HRC: variants seen among roughly 807,000 people sequenced by gnomAD.
HRC encodes the protein histidine rich calcium binding protein, also known as sarcoplasmic reticulum histidine-rich calcium-binding protein.
Under a neutral mutation model 61.4 loss-of-function variants are expected in HRC, and 41 were observed. The observed-to-expected ratio is 0.67, with a 90% CI of 0.52 to 0.87. The LOEUF (loss-of-function observed/expected upper bound fraction) is 0.87. Ranked by LOEUF, HRC falls within the 40% of genes least tolerant of loss-of-function variation. The probability of loss-of-function intolerance (pLI) is 0.00; values close to 1 mark genes in which losing one functional copy is unlikely to be tolerated. For missense variants in HRC, 839 were observed against 885.8 expected (o/e 0.95, Z 0.67); for synonymous variants, 308 against 326.6 (o/e 0.94, Z 0.62).
chr19:49,154,079 A>C lies in HRC; in HGVS notation c.1159T>G (p.Phe387Val). The change falls in exon 1 of 6, where the codon TTC becomes GTC. Residue 387 changes from phenylalanine (F) to valine (V), a missense_variant. By Grantham distance (50) the Phe-to-Val change is conservative (BLOSUM62 -1). Coordinates refer to ENST00000252825, the MANE Select transcript of HRC (RefSeq NM_002152.3). ...TGGTGGCTTGCAACATAGTGGCCGA[A>C]CTGGACTGTGATCTCCTCTTCTTCC... is the stretch of plus-strand genomic sequence containing the variant. ...EEEEEEITVQ[F>V]GHYVASHQPR... is the part of the protein sequence containing the mutation. 1 of 1,614,112 alleles carries C rather than the reference A, an allele frequency of 6.2e-7. No individual in the cohort carries two copies. The highest frequency in any genetic ancestry group is 8.5e-7 in the Non-Finnish European group (1 of 1,180,018).
rs57199624 is a variant in HRC at position 49,154,632 on chromosome 19, T to TTCCTCCTCCTCCTCC, written c.591_605dup (p.Glu200_Glu204dup). On this transcript the variant is annotated inframe_insertion, in exon 1 of 6. Transcript: ENST00000252825. ...GTCCATACTCAGTGGAGGCCTCCTC[T>TTCCTCCTCCTCCTCC]TCCTCCTCCTCCTCCTCCTCCTCCT... 2.5e-6 allele frequency: 4 copies of TTCCTCCTCCTCCTCC among 1,579,330 alleles called. No individual in the cohort carries two copies. Among genetic ancestry groups the TTCCTCCTCCTCCTCC allele is most frequent in the South Asian group, 2.3e-5 (2 of 88,034 alleles).
At position 49,151,526 on chromosome 19, in the gene HRC, G is replaced by C; in HGVS notation, c.2054C>G (p.Ser685Cys). 6.2e-7 allele frequency: 1 copy of C among 1,614,008 alleles called. No homozygotes were observed. Among genetic ancestry groups the C allele is most frequent in the Non-Finnish European group, 8.5e-7 (1 of 1,180,030 alleles). Residue 685 changes from serine (S) to cysteine (C), a missense_variant, in exon 5 of 6, where the codon TCC becomes TGC. Coordinates refer to ENST00000252825, the MANE Select transcript of HRC (RefSeq NM_002152.3). ...PGSYVDYFSS[S>C]LYQALADMLE... is the part of the protein sequence containing the mutation. The stretch of plus-strand genomic sequence containing the variant: ...CCTTTTACACACTTACTGATAAAGG[G>C]ACGAGGAGAAATAGTCAACGTAGCT...
chr19:49,152,184 TG>T, intron 3 of HRC, 125 bp downstream of exon 3: 1 of 1,264,022 alleles, frequency 7.9e-7, no homozygotes, highest in Non-Finnish European at 1.2e-6. Context: ...GGATCGCTTG[TG>T]GAGTCAAGGT....
Position 49,151,565 on chromosome 19 carries a change from C to T in HRC, c.2027-12G>A. On this transcript the variant is annotated splice_polypyrimidine_tract_variant and intron_variant, in intron 4 of 5. Coordinates refer to ENST00000252825, the MANE Select transcript of HRC (RefSeq NM_002152.3). ...GTCAACGTAGCTTCCTGTGGGACAG[C>T]AGAGAAAAGAGGCTTGAGGGGTACT... The T allele has an allele frequency of 1.2e-6, 2 of 1,613,288 alleles. No individual in the cohort carries two copies. The highest frequency in any genetic ancestry group is 2.2e-5 in the South Asian group (2 of 91,032).
In HRC at chr19:49,152,647, G is replaced by A. The variant is rs2041373123; in HGVS notation, c.1903-269C>T. On this transcript the variant is annotated intron_variant, in intron 2 of 5. Transcript: ENST00000252825. ...TGCAGTGGCGCAACCTCAGCTCACT[G>A]CAACCTCCGTCTCCCGGGTTCAAGC... Among the ~76,000 whole-genome samples the A allele has an allele frequency of 2.0e-5, 3 of 151,268 alleles. No homozygotes were observed. In the South Asian group the frequency reaches 6.2e-4, roughly 32 times the overall value.
Position 49,151,510 on chromosome 19 carries a change from CACTT to C in HRC, c.2063+3_2063+6del, listed in dbSNP as rs763225975. The C allele has an allele frequency of 1.2e-5, 19 of 1,613,614 alleles. No individual in the cohort carries two copies. The East Asian group carries it at 2.0e-4, about 17-fold the overall frequency. On this transcript the variant is annotated splice_donor_5th_base_variant and intron_variant, in intron 5 of 5. Transcript: ENST00000252825. ...GGCTTTTACACGCTCCCCTTTTACA[CACTT>C]ACTGATAAAGGGACGAGGAGAAATA...
At chr19:49,151,675 A>G (rs773928509) in intron 4 of HRC, 122 bp from the exon 5 acceptor site, 6 of 878,202 alleles carry the variant, frequency 6.8e-6, no homozygotes, top group South Asian at 3.1e-5. Flanking sequence ...CCTTCTTCCA[A>G]CTGAATCCCT....
At chr19:49,152,140 A>G (rs2041366882) in intron 3 of HRC, 82 bp from the exon 4 acceptor site, 2 of 1,355,760 alleles carry the variant, frequency 1.5e-6, no homozygotes, top group Admixed American at 1.7e-5. Flanking sequence ...CCAGACCCGG[A>G]CCAGAGGCTA....
rs755525371 is a variant in HRC at position 49,154,157 on chromosome 19, G to A, written c.1081C>T (p.Arg361Cys). 23 of 1,614,072 alleles carry A rather than the reference G, an allele frequency of 1.4e-5. No homozygotes were observed. In the East Asian group the frequency reaches 2.2e-4, roughly 16 times the overall value. ...ACATGTTGGGGACCCTGGTGCCAAC[G>A]TTCAGTGGACACATCCTCATCTTCT... ...EEEDEDVSTE[R>C]WHQGPQHVHH... The change falls in exon 1 of 6, where the codon CGT becomes TGT. Residue 361 changes from arginine (R) to cysteine (C), a missense_variant. Coordinates refer to ENST00000252825, the MANE Select transcript of HRC (RefSeq NM_002152.3).
intron 4 of HRC, 113 bp from the exon 5 acceptor site, chr19:49,151,666 C>T: frequency 2.2e-6 from 2 of 925,572 alleles, no homozygotes; most frequent in East Asian, 2.4e-5. Flanking sequence ...TCCCTAATTC[C>T]TTCTTCCAAC....
Position 49,153,284 on chromosome 19 carries a change from A to C in HRC, c.1879T>G (p.Cys627Gly). The change falls in exon 2 of 6, where the codon TGT becomes GGT. Residue 627 changes from cysteine to glycine, a missense_variant. Transcript: ENST00000252825. This position sits in a 1 kb window ranked among gnomAD's most constrained non-coding sequence, Gnocchi z 4.8. ...EYGNYQPGSLCGYCSFCNRCT... is the reference protein window; with the variant it reads ...EYGNYQPGSLGGYCSFCNRCT... ...ACATTGCAGAAGGAGCAGTAGCCAC[A>C]CAGGGACCCTGGCTGGTAGTTCCCA... is the stretch of plus-strand genomic sequence containing the variant. The C allele has an allele frequency of 6.2e-7, 1 of 1,613,458 alleles. No individual in the cohort carries two copies. Among genetic ancestry groups the C allele is most frequent in the Non-Finnish European group, 8.5e-7 (1 of 1,179,720 alleles).
In HRC at chr19:49,155,267, T is replaced by C. The variant is rs1419852517; in HGVS notation, c.-30A>G. ...ACGGACAGGCAGCACTGGCTCCAGCTGCCTCTGCGGCAATGTGGACAAACG... is the reference window on the plus strand; with the variant it reads ...ACGGACAGGCAGCACTGGCTCCAGCCGCCTCTGCGGCAATGTGGACAAACG... On this transcript the variant is annotated 5_prime_UTR_variant, in exon 1 of 6. Transcript: ENST00000252825. This position sits in a 1 kb window ranked among gnomAD's most constrained non-coding sequence, Gnocchi z 4.7. 5.8e-6 allele frequency: 9 copies of C among 1,560,140 alleles called. No homozygotes were observed. Among genetic ancestry groups the C allele is most frequent in the Non-Finnish European group, 6.9e-6 (8 of 1,161,168 alleles).
chr19:49,151,632 A>T, intron 4 of HRC, 79 bp from the exon 5 acceptor site: 2 of 1,253,524 alleles, frequency 1.6e-6, no homozygotes, highest in Non-Finnish European at 2.3e-6. Flanking sequence ...AGCGTGCGAG[A>T]TTAGTGCTAG....
In HRC at chr19:49,155,104, C is replaced by A. The variant is rs769199329; in HGVS notation, c.134G>T (p.Gly45Val). ...LGFRNRNNST[G>V]VAGLSEEASA... The stretch of plus-strand genomic sequence containing the variant: ...TGCCTCCTCGGAGAGCCCGGCGACT[C>A]CAGTGCTGTTGTTCCGGTTTCTGAA... The change falls in exon 1 of 6, where the codon GGA (glycine) becomes GTA (valine). Residue 45 changes from glycine to valine, a missense_variant. Physicochemically the swap from Gly to Val is moderately radical, Grantham distance 109. Transcript: ENST00000252825. This position sits in a 1 kb window ranked among gnomAD's most constrained non-coding sequence, Gnocchi z 4.7. The A allele has an allele frequency of 9.9e-6, 16 of 1,614,028 alleles. No individual in the cohort carries two copies. Among genetic ancestry groups the A allele is most frequent in the Non-Finnish European group, 1.4e-5 (16 of 1,180,042 alleles).
In HRC at chr19:49,153,793, G is replaced by T. The variant is rs1300582459; in HGVS notation, c.1445C>A (p.Ser482Tyr). The T allele has an allele frequency of 1.9e-6, 3 of 1,613,874 alleles. No individual in the cohort carries two copies. Among genetic ancestry groups the T allele is most frequent in the Admixed American group, 1.7e-5 (1 of 59,966 alleles). ...KDRSHLRKDDSEEEKEKEEDP... is the reference protein window; with the variant it reads ...KDRSHLRKDDYEEEKEKEEDP... ...CTCTTCCTTCTCCTTTTCCTCCTCA[G>T]AATCATCCTTCCTCAAATGGCTTCT... is the stretch of plus-strand genomic sequence containing the variant. Residue 482 changes from serine (S) to tyrosine (Y), a missense_variant, in exon 1 of 6, where the codon TCT becomes TAT. Coordinates refer to ENST00000252825, the MANE Select transcript of HRC (RefSeq NM_002152.3). This position sits in a 1 kb window ranked among gnomAD's most constrained non-coding sequence, Gnocchi z 4.8.
chr19:49,151,235 C>G lies in HRC; in HGVS notation c.*61G>C. 7.3e-7 allele frequency: 1 copy of G among 1,365,304 alleles called. No homozygotes were observed. The highest frequency in any genetic ancestry group is 1.0e-6 in the Non-Finnish European group (1 of 999,902). 84.6% of individuals were successfully genotyped at this position (1,365,304 alleles called of 1,614,324 possible). A position where few individuals can be genotyped will look rare whatever the true frequency, so the allele number is the denominator to read the frequency against. On this transcript the variant is annotated 3_prime_UTR_variant, in exon 6 of 6. Coordinates refer to ENST00000252825, the MANE Select transcript of HRC (RefSeq NM_002152.3). ...CGTTTATTCGGAGAAATAAATATAGCTCGTGGAAAGGGGTTGGAAGGCAGG... is the reference window on the plus strand; with the variant it reads ...CGTTTATTCGGAGAAATAAATATAGGTCGTGGAAAGGGGTTGGAAGGCAGG...
Position 49,154,453 on chromosome 19 carries a change from A to ACAT in HRC, c.782_784dup (p.Asp261dup), listed in dbSNP as rs61355957. 114,288 of 1,557,888 alleles carry ACAT rather than the reference A, an allele frequency of 0.073. 1,786 individuals are homozygous for ACAT. Among genetic ancestry groups the ACAT allele is most frequent in the Middle Eastern group, 0.088 (515 of 5,848 alleles). On this transcript the variant is annotated inframe_insertion, in exon 1 of 6. Coordinates refer to ENST00000252825, the MANE Select transcript of HRC (RefSeq NM_002152.3). The stretch of plus-strand genomic sequence containing the variant: ...AGCCTGGTGTCTATATTCAATGGAG[A>ACAT]CATCATCATCATCATCATCATCATC...
At chr19:49,152,261 G>A (rs752194112) in intron 3 of HRC, 49 bp downstream of exon 3, 3 of 1,535,606 alleles carry the variant, frequency 2.0e-6, no homozygotes, top group Non-Finnish European at 2.7e-6. Context: ...AGAGGGTCCC[G>A]GTGCATCCTG....
chr19:49,153,457 C>T lies in HRC; in HGVS notation c.1781G>A (p.Arg594Lys), dbSNP rs1208029873. 1 of 1,602,870 alleles carries T rather than the reference C, an allele frequency of 6.2e-7. No individual in the cohort carries two copies. Among genetic ancestry groups the T allele is most frequent in the Non-Finnish European group, 8.5e-7 (1 of 1,173,674 alleles). Residue 594 changes from arginine (R) to lysine (K), a missense_variant, in exon 1 of 6, where the codon AGA becomes AAA. Transcript: ENST00000252825. The surrounding 1 kb of genome is among the most constrained non-coding windows in gnomAD (Gnocchi z 4.8). ...FTIIPNPLDR[R>K]EEAGGASSEE... ...GCTGGAGGCACCTCCAGCCTCCTCTCTCCTGTCCAGTGGGTTGGGGATGAT... is the reference window on the plus strand; with the variant it reads ...GCTGGAGGCACCTCCAGCCTCCTCTTTCCTGTCCAGTGGGTTGGGGATGAT...
Sources: allele counts gnomAD v4.1 joint callset (sites outside exome capture counted in the v4.1 genomes callset), GRCh38; gene constraint gnomAD v4.1.1; non-coding constraint Gnocchi (gnomAD v3.1); transcripts MANE v1.5; gene names NCBI Gene and HGNC (gene_info 2026-07-23, HGNC 2026-07-21).